The following ERP44 variants were observed in gnomAD, a reference collection of about 807,000 sequenced individuals.
ERP44 encodes the protein endoplasmic reticulum resident protein 44.
In ERP44, 25 loss-of-function variants were observed where a neutral mutation model predicts 53.4. That is an observed-to-expected ratio of 0.47 (90% CI 0.34 to 0.65). The LOEUF is 0.65. ERP44 is among the 30% of genes least tolerant of loss of function. The pLI, the probability that ERP44 is intolerant of heterozygous loss-of-function variation, is 0.01. For missense variants in ERP44, 338 were observed against 493.2 expected (o/e 0.69, Z 2.98); for synonymous variants, 145 against 161.2 (o/e 0.90, Z 0.76).
At chr9:100,047,380 C>A (rs977881090) in intron 4 of ERP44, among the ~76,000 whole-genome samples, 8 of 152,088 alleles carry the variant, frequency 5.3e-5, no homozygotes, top group Non-Finnish European at 1.2e-4. Context: ...GACATACAGA[C>A]CATGGTACAG....
intron 4 of ERP44, among the ~76,000 whole-genome samples, chr9:100,037,047 A>G (rs1825853858): frequency 6.6e-6 from 1 of 152,210 alleles, no homozygotes; most frequent in Admixed American, 6.5e-5. Context: ...CACTCACACT[A>G]CCTAGTTTTA....
intron 10 of ERP44, chr9:99,998,861 C>G: frequency 1.4e-6 from 2 of 1,471,390 alleles, no homozygotes; most frequent in Non-Finnish European, 1.9e-6. Context: ...TGTAGTTCTT[C>G]TAGCAATGAG....
At position 99,980,085 on chromosome 9, in the gene ERP44, C is replaced by T. The variant is rs1295070396; in HGVS notation, c.*2527G>A. 12 of 398,388 alleles carry T rather than the reference C, an allele frequency of 3.0e-5. No homozygotes were observed. The Admixed American group carries it at 4.8e-4, about 16-fold the overall frequency. The allele number at this position is 398,388 out of a possible 1,614,324, so 24.7% of individuals were successfully genotyped here. A position where few individuals can be genotyped will look rare whatever the true frequency, so the allele number is the denominator to read the frequency against. On this transcript the variant is annotated 3_prime_UTR_variant, in exon 12 of 12. Transcript: ENST00000262455. Reference sequence around the variant, plus strand: ...TTCCCTCTCAGCCAGATCCCTACCTCCTGAGAACACCTATTCATCTTTTTA... The same window carrying T: ...TTCCCTCTCAGCCAGATCCCTACCTTCTGAGAACACCTATTCATCTTTTTA...
chr9:100,066,652 C>T (rs1368997564), intron 1 of ERP44, among the ~76,000 whole-genome samples: 4 of 152,156 alleles, frequency 2.6e-5, no homozygotes, highest in African/African-American at 9.7e-5. Flanking sequence ...GTCAGCCTAC[C>T]ATCTGAAGTC....
intron 10 of ERP44, among the ~76,000 whole-genome samples, chr9:99,991,864 T>C (rs1272331701): frequency 6.6e-6 from 1 of 152,114 alleles, no homozygotes; most frequent in African/African-American, 2.4e-5. Flanking sequence ...AAATACAAAC[T>C]AGCATCAGAG....
intron 1 of ERP44, among the ~76,000 whole-genome samples, chr9:100,089,689 C>A (rs754905666): frequency 6.6e-6 from 1 of 150,812 alleles, no homozygotes; most frequent in African/African-American, 2.4e-5. Flanking sequence ...ATAAATCATA[C>A]GCTGAGGTGG....
At chr9:100,011,978 T>C (rs1197929849) in intron 8 of ERP44, among the ~76,000 whole-genome samples, 2 of 152,172 alleles carry the variant, frequency 1.3e-5, no homozygotes, top group Admixed American at 6.5e-5. Context: ...GAGTGTCATG[T>C]AGGTGCTCAA....
intron 4 of ERP44, among the ~76,000 whole-genome samples, chr9:100,041,313 A>G (rs200297943): frequency 4.8e-5 from 7 of 144,346 alleles, no homozygotes; most frequent in Admixed American, 4.1e-4. Context: ...TAAAAAAAAA[A>G]GGGCAAAAAT....
chr9:100,024,362 A>C, intron 4 of ERP44, among the ~76,000 whole-genome samples: 1 of 149,258 alleles, frequency 6.7e-6, no homozygotes, highest in Non-Finnish European at 1.5e-5. Flanking sequence ...CAGGTGCAGA[A>C]GAGTGTGTAC....
Position 99,980,921 on chromosome 9 carries a change from G to GT in ERP44, c.*1690dup, listed in dbSNP as rs1208774794. 1 of 152,094 alleles carries GT rather than the reference G, an allele frequency of 6.6e-6. No homozygotes were observed. Among genetic ancestry groups the GT allele is most frequent in the Non-Finnish European group, 1.5e-5 (1 of 68,026 alleles). 9.4% of individuals were successfully genotyped at this position (152,094 alleles called of 1,614,324 possible). On this transcript the variant is annotated 3_prime_UTR_variant, in exon 12 of 12. Coordinates refer to ENST00000262455, the MANE Select transcript of ERP44 (RefSeq NM_015051.3). Reference sequence around the variant, plus strand: ...CTCTCTGCAACCTAACCCTTGAATTGTATCTTTTGTTGATTATTTTTTCAA... The same window carrying GT: ...CTCTCTGCAACCTAACCCTTGAATTGTTATCTTTTGTTGATTATTTTTTCAA...
chr9:100,061,427 G>C (rs886296113), intron 1 of ERP44, among the ~76,000 whole-genome samples: 6 of 150,228 alleles, frequency 4.0e-5, no homozygotes, highest in African/African-American at 1.2e-4. Context: ...CTGGGCAACA[G>C]AGCAAGACTC....
rs1826705020 is a variant in ERP44, at chr9:100,098,942, G to A, written c.-102C>T. On this transcript the variant is annotated 5_prime_UTR_variant, in exon 1 of 12. Transcript: ENST00000262455. ...CTGGGCTCCGGGAGCCGACGGCAGC[G>A]GAGGATTCTCCAGGCAGCGGCACCT... 3 of 905,220 alleles carry A rather than the reference G, an allele frequency of 3.3e-6. No individual in the cohort carries two copies. The highest frequency in any genetic ancestry group is 2.2e-5 in the Admixed American group (1 of 46,070). The allele number at this position is 905,220 out of a possible 1,614,324, so 56.1% of individuals were successfully genotyped here. A position where few individuals can be genotyped will look rare whatever the true frequency, so the allele number is the denominator to read the frequency against.
At chr9:100,071,417 C>G (rs1396211385) in intron 1 of ERP44, among the ~76,000 whole-genome samples, 1 of 152,090 alleles carries the variant, frequency 6.6e-6, no homozygotes, top group East Asian at 1.9e-4. Flanking sequence ...AGTAAATGGC[C>G]TTTAAGGAAA....
chr9:100,084,002 G>A (rs748216980), intron 1 of ERP44, among the ~76,000 whole-genome samples: 20 of 152,014 alleles, frequency 1.3e-4, no homozygotes, highest in Non-Finnish European at 2.9e-4. Context: ...AAAGACAGAC[G>A]GACAGACAGA....
intron 1 of ERP44, among the ~76,000 whole-genome samples, chr9:100,073,247 A>T (rs1826324183): frequency 6.6e-6 from 1 of 152,252 alleles, no homozygotes; most frequent in Non-Finnish European, 1.5e-5. Flanking sequence ...AGAGAATTTT[A>T]AAAGTAATGC....
chr9:100,037,264 C>T (rs374216201), intron 4 of ERP44, among the ~76,000 whole-genome samples: 2 of 152,146 alleles, frequency 1.3e-5, no homozygotes, highest in African/African-American at 2.4e-5. Flanking sequence ...ACTCAGCTGA[C>T]GCCCACACAT....
chr9:100,038,146 A>G (rs767513511), intron 4 of ERP44, among the ~76,000 whole-genome samples: 3 of 152,218 alleles, frequency 2.0e-5, no homozygotes, highest in Non-Finnish European at 4.4e-5. Context: ...GACGTTAATA[A>G]TAAGAAATCA....
intron 6 of ERP44, among the ~76,000 whole-genome samples, chr9:100,019,616 G>A (rs1830564022): frequency 6.7e-6 from 1 of 148,972 alleles, no homozygotes; most frequent in Admixed American, 6.6e-5. Context: ...AATGAGGAGA[G>A]AGGGTCAAGA....
intron 4 of ERP44, among the ~76,000 whole-genome samples, chr9:100,031,158 C>T (rs113315732): frequency 2.6e-4 from 40 of 151,036 alleles, no homozygotes; most frequent in African/African-American, 9.3e-4. Flanking sequence ...GCCTGGAAAA[C>T]TGGTTAATTA....
Sources: allele counts gnomAD v4.1 joint callset (sites outside exome capture counted in the v4.1 genomes callset), GRCh38; gene constraint gnomAD v4.1.1; transcripts MANE v1.5; gene names NCBI Gene and HGNC (gene_info 2026-07-23, HGNC 2026-07-21).